Variants in GSTM2 observed in about 807,000 individuals in gnomAD.
The protein encoded by GSTM2 is GST class-mu 2.
A neutral mutation model predicts 33.3 loss-of-function variants in GSTM2; 33 were observed. The ratio of observed to expected loss-of-function variants is 0.99; its 90% confidence interval spans 0.75 to 1.33. The LOEUF is 1.33. Ranked by LOEUF, GSTM2 falls within the 40% of genes most tolerant of loss-of-function variation. The pLI is 0.00. For synonymous variants in GSTM2, 93 were observed against 95.6 expected, an observed-to-expected ratio of 0.97 and a Z score of 0.16; for missense variants, 213 against 265.8, an observed-to-expected ratio of 0.80 and a Z score of 1.38.
downstream of GSTM2, among the ~76,000 whole-genome samples, chr1:109,677,701 C>T (rs1482078668): frequency 6.6e-6 from 1 of 152,164 alleles, no homozygotes; most frequent in African/African-American, 2.4e-5. Context: ...AGTTTTCTCT[C>T]TTTATCTGGG....
chr1:109,680,340 T>G lies in GSTM2; in HGVS notation c.567+8757T>G, dbSNP rs377140013. Reference sequence around the variant, plus strand: ...TCATCAATAAGTAAGTTTTATAAAATCAAACACAAGATAAAACGCTGCAGC... The same window carrying G: ...TCATCAATAAGTAAGTTTTATAAAAGCAAACACAAGATAAAACGCTGCAGC... On this transcript the variant is annotated intron_variant, in intron 7 of 7. Transcript: ENST00000369831. Among the ~76,000 whole-genome samples, 66 of 149,984 alleles carry G rather than the reference T, an allele frequency of 4.4e-4. No homozygotes were observed. In the South Asian group the frequency reaches 0.013, roughly 29 times the overall value.
downstream of GSTM2, among the ~76,000 whole-genome samples, chr1:109,676,561 C>T (rs938628010): frequency 6.6e-6 from 1 of 152,118 alleles, no homozygotes; most frequent in Non-Finnish European, 1.5e-5. Flanking sequence ...CCATGTTGGC[C>T]ATGCTGGTCT....
downstream of GSTM2, among the ~76,000 whole-genome samples, chr1:109,679,261 A>G (rs1647796620): frequency 6.6e-6 from 1 of 152,068 alleles, no homozygotes. Context: ...ACTTGAGGTC[A>G]GGAGTTTGAG....
chr1:109,677,936 G>A (rs1246515469), downstream of GSTM2, among the ~76,000 whole-genome samples: 6 of 152,144 alleles, frequency 3.9e-5, no homozygotes, highest in Admixed American at 3.3e-4. Flanking sequence ...CTCTCTTCTT[G>A]TTCACTGATG....
At chr1:109,680,329 G>A (rs2101265908) in intron 7 of GSTM2, among the ~76,000 whole-genome samples, 1 of 149,128 alleles carries the variant, frequency 6.7e-6, no homozygotes, top group South Asian at 2.1e-4. Context: ...CAATAAGTAA[G>A]TTTTATAAAA....
chr1:109,671,329 C>G lies in GSTM2; in HGVS notation c.403C>G (p.Leu135Val). The change falls in exon 6 of 8, where the codon CTG (leucine) becomes GTG (valine). Residue 135 changes from leucine (L) to valine (V), a missense_variant. Physicochemically the swap from Leu to Val is conservative, Grantham distance 32. Transcript: ENST00000241337. The stretch of plus-strand genomic sequence containing the variant: ...ATACCTGCAGGCACTCCCTGAAATG[C>G]TGAAGCTCTACTCACAGTTTCTGGG... ...PEYLQALPEM[L>V]KLYSQFLGKQ... is the part of the protein sequence containing the mutation. 6.2e-7 allele frequency: 1 copy of G among 1,614,118 alleles called. No homozygotes were observed. The highest frequency in any genetic ancestry group is 8.5e-7 in the Non-Finnish European group (1 of 1,179,956).
intron 7 of GSTM2, 61 bp downstream of exon 7, chr1:109,671,644 T>C: frequency 6.1e-6 from 6 of 979,016 alleles, no homozygotes; most frequent in Non-Finnish European, 1.0e-5. Flanking sequence ...TTTGTGATGC[T>C]TTCCCAGTCC....
At chr1:109,679,612 C>G (rs1282747134), downstream of GSTM2, among the ~76,000 whole-genome samples, 1 of 152,202 alleles carries the variant, frequency 6.6e-6, no homozygotes, top group Non-Finnish European at 1.5e-5. Flanking sequence ...ACTCTCTACC[C>G]ATTCTCTACT....
chr1:109,677,672 G>C (rs116681840), downstream of GSTM2, among the ~76,000 whole-genome samples: 2,101 of 152,250 alleles, frequency 0.014, 52 homozygotes, highest in African/African-American at 0.046. Context: ...CTATTGAAGG[G>C]GCCTGGTGGA....
chr1:109,668,514 C>T lies in GSTM2; in HGVS notation c.112+14C>T. 1 of 1,613,376 alleles carries T rather than the reference C, an allele frequency of 6.2e-7. No individual in the cohort carries two copies. Among genetic ancestry groups the T allele is most frequent in the Non-Finnish European group, 8.5e-7 (1 of 1,179,256 alleles). On this transcript the variant is annotated intron_variant, in intron 2 of 7. Transcript: ENST00000241337. The stretch of plus-strand genomic sequence containing the variant: ...CGATGGGGGACGGTAATGGCACCCT[C>T]GAGTCTGGGCCCTGCCCCCTCACAC...
intron 3 of GSTM2, 48 bp downstream of exon 3, chr1:109,669,037 C>G (rs779203820): frequency 3.4e-5 from 53 of 1,576,236 alleles, no homozygotes; most frequent in Non-Finnish European, 4.4e-5. Flanking sequence ...CGACGTGTCT[C>G]TGACTGCATC....
At position 109,669,534 on chromosome 1, in the gene GSTM2, G is replaced by C. The variant is rs767565393; in HGVS notation, c.323G>C (p.Arg108Pro). ...DILENQFMDS[R>P]MQLAKLCYDP... is the part of the protein sequence containing the mutation. ...TTGGAGAACCAGTTTATGGACAGCC[G>C]TATGCAGCTGGCCAAACTCTGCTAT... is the stretch of plus-strand genomic sequence containing the variant. The change falls in exon 5 of 8, where the codon CGT (arginine) becomes CCT (proline). Residue 108 changes from arginine (R) to proline (P), a missense_variant. By Grantham distance (103) the Arg-to-Pro change is moderately radical (BLOSUM62 -2). Coordinates refer to ENST00000241337, the MANE Select transcript of GSTM2 (RefSeq NM_000848.4). The C allele has an allele frequency of 2.5e-6, 4 of 1,612,564 alleles. No individual in the cohort carries two copies. In the East Asian group the frequency reaches 6.7e-5, roughly 27 times the overall value.
At chr1:109,670,999 G>A (rs1436618394) in intron 5 of GSTM2, 1 of 400,678 alleles carries the variant, frequency 2.5e-6, no homozygotes, top group Non-Finnish European at 4.6e-6. Flanking sequence ...AGGTGCTCAG[G>A]TGCTCCTGGG....
chr1:109,669,072 A>C (rs1002818452), intron 3 of GSTM2, 83 bp downstream of exon 3: 7 of 1,475,712 alleles, frequency 4.7e-6, no homozygotes, highest in African/African-American at 2.8e-5. Flanking sequence ...TAGAGGTGTT[A>C]AGATCAGGAG....
rs115585507 is a variant in GSTM2, at chr1:109,668,292, G to C, written c.37-133G>C. 1.4e-5 allele frequency: 19 copies of C among 1,338,328 alleles called. No homozygotes were observed. The East Asian group carries it at 4.1e-4, about 29-fold the overall frequency. 82.9% of individuals were successfully genotyped at this position (1,338,328 alleles called of 1,614,324 possible). A position where few individuals can be genotyped will look rare whatever the true frequency, so the allele number is the denominator to read the frequency against. ...GGTCTGTGCTTGCCGCTGTCTGTGCGTGTGGCTGGGCGTGCGGGGTGGGGG... is the reference window on the plus strand; with the variant it reads ...GGTCTGTGCTTGCCGCTGTCTGTGCCTGTGGCTGGGCGTGCGGGGTGGGGG... On this transcript the variant is annotated intron_variant, in intron 1 of 7. Coordinates refer to ENST00000241337, the MANE Select transcript of GSTM2 (RefSeq NM_000848.4).
intron 1 of GSTM2, 38 bp downstream of exon 1, chr1:109,668,189 G>A (rs773535634): frequency 2.0e-6 from 3 of 1,525,926 alleles, no homozygotes; most frequent in Non-Finnish European, 2.7e-6. Flanking sequence ...ACGGGGGTGC[G>A]TGGGGGCGGG....
At chr1:109,677,315 G>A (rs1213977563), downstream of GSTM2, among the ~76,000 whole-genome samples, 1 of 152,194 alleles carries the variant, frequency 6.6e-6, no homozygotes, top group Non-Finnish European at 1.5e-5. Flanking sequence ...ACAGGAATGA[G>A]TCCTAATGGA....
intron 7 of GSTM2, among the ~76,000 whole-genome samples, chr1:109,682,616 A>C (rs1647880639): frequency 7.8e-6 from 1 of 128,030 alleles, no homozygotes; most frequent in African/African-American, 2.5e-5. Context: ...TATTGCTTCC[A>C]CTTCTTTTTC....
intron 7 of GSTM2, among the ~76,000 whole-genome samples, chr1:109,672,280 C>CAA (rs776611358): frequency 6.9e-6 from 1 of 145,958 alleles, no homozygotes. Context: ...AACTCCATCT[C>CAA]AAACAAAAAA....
Sources: gnomAD v4.1 joint callset for allele counts (sites outside exome capture counted in the v4.1 genomes callset) on GRCh38, gnomAD v4.1.1 for gene constraint, MANE v1.5 for transcripts, NCBI Gene and HGNC (gene_info 2026-07-23, HGNC 2026-07-21) for gene names.